POLD3: variants seen among roughly 807,000 people sequenced by gnomAD.
POLD3 encodes the protein DNA polymerase delta 3, accessory subunit.
A neutral mutation model predicts 58.2 loss-of-function variants in POLD3; 19 were observed. That is an observed-to-expected ratio of 0.33 (90% CI 0.23 to 0.48). The LOEUF is 0.48. Among genes scored for constraint, POLD3 ranks in the 20% least tolerant of loss-of-function variants. POLD3 has a pLI of 0.99. For missense variants in POLD3, 504 were observed against 545.5 expected (o/e 0.92, Z 0.76); for synonymous variants, 172 against 193.5 (o/e 0.89, Z 0.92).
intron 8 of POLD3, among the ~76,000 whole-genome samples, chr11:74,627,543 C>G (rs1349966709): frequency 1.3e-5 from 2 of 152,126 alleles, no homozygotes; most frequent in African/African-American, 4.8e-5. Flanking sequence ...ACAGTAACAT[C>G]CTAGGGCCTT....
intron 11 of POLD3, chr11:74,638,491 T>TTA (rs548838340): frequency 2.3e-4 from 90 of 387,960 alleles, no homozygotes; most frequent in Non-Finnish European, 4.2e-4. Flanking sequence ...GAGCAAAGTC[T>TTA]TATACCACCA....
At chr11:74,602,023 G>C (rs961064188) in intron 2 of POLD3, among the ~76,000 whole-genome samples, 3 of 152,224 alleles carry the variant, frequency 2.0e-5, no homozygotes, top group African/African-American at 7.2e-5. Context: ...CCCAGAACAA[G>C]AAGGGTCTTA....
chr11:74,640,823 T>G lies in POLD3; in HGVS notation c.*57T>G, dbSNP rs988774315. On this transcript the variant is annotated 3_prime_UTR_variant, in exon 12 of 12. Transcript: ENST00000263681. ...GTGGTCAAGGGAGAAGACCAAGAAA[T>G]GTACTCCTCACTTACTATGTAAGTT... 20 of 1,446,638 alleles carry G rather than the reference T, an allele frequency of 1.4e-5. No individual in the cohort carries two copies. The highest frequency in any genetic ancestry group is 1.8e-5 in the Non-Finnish European group (20 of 1,098,492). 89.6% of individuals were successfully genotyped at this position (1,446,638 alleles called of 1,614,324 possible).
intron 5 of POLD3, among the ~76,000 whole-genome samples, chr11:74,615,226 A>G (rs2032048307): frequency 6.6e-6 from 1 of 152,218 alleles, no homozygotes; most frequent in Non-Finnish European, 1.5e-5. Flanking sequence ...TAAATGGACT[A>G]TTATATGTTA....
Position 74,642,092 on chromosome 11 carries a change from C to T in POLD3, c.*1326C>T. 1.0e-6 allele frequency: 1 copy of T among 985,434 alleles called. No individual in the cohort carries two copies. 61.0% of individuals were successfully genotyped at this position (985,434 alleles called of 1,614,324 possible). On this transcript the variant is annotated 3_prime_UTR_variant, in exon 12 of 12. Coordinates refer to ENST00000263681, the MANE Select transcript of POLD3 (RefSeq NM_006591.3). ...CAGACAAGGGGTGTCTGACTGGCTT[C>T]TTTTGCCTCAAGATGGTGTATGTCG... is the stretch of plus-strand genomic sequence containing the variant.
rs1223845963 is a variant in POLD3 at position 74,641,903 on chromosome 11, A to C, written c.*1137A>C. ...AAACATCAAAGAAAACATTTTTATT[A>C]GTTACTTATGGAAAATCATCTATTA... is the stretch of plus-strand genomic sequence containing the variant. On this transcript the variant is annotated 3_prime_UTR_variant, in exon 12 of 12. Transcript: ENST00000263681. The C allele has an allele frequency of 1.0e-6, 1 of 984,950 alleles. No individual in the cohort carries two copies. The highest frequency in any genetic ancestry group is 1.7e-5 in the African/African-American group (1 of 57,228). The allele number at this position is 984,950 out of a possible 1,614,324, so 61.0% of individuals were successfully genotyped here.
chr11:74,666,660 T>C (rs1353118483), intron 4 of POLD3, among the ~76,000 whole-genome samples: 1 of 152,244 alleles, frequency 6.6e-6, no homozygotes, highest in Admixed American at 6.5e-5. Flanking sequence ...ACTCCCTAAA[T>C]TGATCTACAG....
In POLD3 at chr11:74,622,296, G is replaced by C. The variant is rs112110750; in HGVS notation, c.733+2207G>C. On this transcript the variant is annotated intron_variant, in intron 7 of 11. Transcript: ENST00000263681. Reference sequence around the variant, plus strand: ...TGTTGGACATTTGGCTTGGTTCCAAGTCTTTGCTATTGTGAATAGTGCCAC... The same window carrying C: ...TGTTGGACATTTGGCTTGGTTCCAACTCTTTGCTATTGTGAATAGTGCCAC... 4.1e-4 allele frequency among the ~76,000 whole-genome samples: 63 copies of C among 152,044 alleles called. 1 individual carries two copies. The highest frequency in any genetic ancestry group is 1.4e-3 in the African/African-American group (56 of 41,434).
At chr11:74,617,665 G>A (rs1782809459) in intron 5 of POLD3, among the ~76,000 whole-genome samples, 1 of 152,194 alleles carries the variant, frequency 6.6e-6, no homozygotes, top group Non-Finnish European at 1.5e-5. Context: ...CTCCCAAAGT[G>A]CTGGGATTAC....
At chr11:74,623,147 G>A (rs2032317471) in intron 7 of POLD3, among the ~76,000 whole-genome samples, 1 of 152,160 alleles carries the variant, frequency 6.6e-6, no homozygotes, top group African/African-American at 2.4e-5. Flanking sequence ...GAGACAGAAA[G>A]TAGGGGCCGG....
At chr11:74,611,593 C>A in intron 4 of POLD3, 55 bp downstream of exon 4, 1 of 981,786 alleles carries the variant, frequency 1.0e-6, no homozygotes, top group Non-Finnish European at 1.6e-6. Context: ...AGTGTAGGTG[C>A]AATAAAAAAT....
intron 4 of POLD3, among the ~76,000 whole-genome samples, chr11:74,657,712 T>G (rs746872367): frequency 6.6e-6 from 1 of 152,096 alleles, no homozygotes; most frequent in African/African-American, 2.4e-5. Context: ...TAATAGTCTG[T>G]TTTTCTGTGT....
chr11:74,630,414 A>T lies in POLD3; in HGVS notation c.1006+1091A>T, dbSNP rs559608546. Among the ~76,000 whole-genome samples the T allele has an allele frequency of 2.6e-5, 4 of 152,354 alleles. No homozygotes were observed. The South Asian group carries it at 6.2e-4, about 24-fold the overall frequency. ...ATAGTAGCAGGAAGCTGAATCTGTG[A>T]TAAAGGTGTAGCATCTTTGACACTT... is the stretch of plus-strand genomic sequence containing the variant. On this transcript the variant is annotated intron_variant, in intron 9 of 11. Transcript: ENST00000263681.
intron 4 of POLD3, among the ~76,000 whole-genome samples, chr11:74,660,209 G>A (rs928320109): frequency 2.6e-5 from 4 of 152,132 alleles, no homozygotes; most frequent in African/African-American, 7.2e-5. Context: ...AATAGCACAG[G>A]AAAGACTGGC....
intron 3 of POLD3, among the ~76,000 whole-genome samples, chr11:74,607,013 A>G (rs942088818): frequency 1.3e-5 from 2 of 152,072 alleles, no homozygotes; most frequent in African/African-American, 4.8e-5. Flanking sequence ...CAATAGCCTC[A>G]CTGGGAAGCT....
intron 2 of POLD3, among the ~76,000 whole-genome samples, chr11:74,598,481 A>T (rs1366360630): frequency 6.6e-6 from 1 of 152,180 alleles, no homozygotes; most frequent in East Asian, 1.9e-4. Flanking sequence ...GCCTGGAAAC[A>T]TCATTTTATT....
chr11:74,631,477 CTTTTTTTTTTTT>C (rs1158260012), intron 9 of POLD3, among the ~76,000 whole-genome samples: 1 of 110,296 alleles, frequency 9.1e-6, no homozygotes, highest in African/African-American at 3.5e-5. Flanking sequence ...TTTGTCTTGT[CTTTTTTTTTTTT>C]TTTTTTTTGA....
chr11:74,651,069 A>G (rs1397415537), intron 4 of POLD3, among the ~76,000 whole-genome samples: 3 of 152,172 alleles, frequency 2.0e-5, no homozygotes, highest in African/African-American at 7.2e-5. Flanking sequence ...TCTTCATGGC[A>G]CTTATCACTA....
chr11:74,604,317 G>T (rs2031600346), intron 2 of POLD3, among the ~76,000 whole-genome samples: 1 of 152,120 alleles, frequency 6.6e-6, no homozygotes, highest in Non-Finnish European at 1.5e-5. Flanking sequence ...GATATTAAGA[G>T]GCCTAGACAA....
Sources: allele counts gnomAD v4.1 joint callset (sites outside exome capture counted in the v4.1 genomes callset), GRCh38; gene constraint gnomAD v4.1.1; transcripts MANE v1.5; gene names NCBI Gene and HGNC (gene_info 2026-07-23, HGNC 2026-07-21).